RP1L1: variants seen among roughly 807,000 people sequenced by gnomAD.
RP1L1 encodes RP1 like 1, also known as retinitis pigmentosa 1-like 1 protein.
RP1L1 carries 27 observed loss-of-function variants against 15.7 expected under a neutral mutation model. The ratio of observed to expected loss-of-function variants is 1.72; its 90% CI spans 1.27 to 2.38. RP1L1 has a LOEUF of 2.38. RP1L1 is among the 30% of genes most tolerant of loss of function. The probability of loss-of-function intolerance (pLI) is 0.00; values close to 1 mark genes in which losing one functional copy is unlikely to be tolerated. For synonymous variants in RP1L1, 1,813 were observed against 1,276.7 expected, an observed-to-expected ratio of 1.42 and a Z score of -8.96; for missense variants, 4,798 against 3,075.9, an observed-to-expected ratio of 1.56 and a Z score of -13.24.
Position 10,612,271 on chromosome 8 carries a change from C to G in RP1L1, c.1827G>C (p.Glu609Asp). ...EQATGAAVTREPLVLGLSCSW... is the reference protein window; with the variant it reads ...EQATGAAVTRDPLVLGLSCSW... ...AGCAGGAAAGGCCCAGAACCAGAGG[C>G]TCCCTTGTCACAGCCGCTCCCGTGG... Residue 609 changes from glutamate (E) to aspartate (D), a missense_variant, in exon 4 of 4, where the codon GAG becomes GAC. Transcript: ENST00000382483. 2 of 1,613,242 alleles carry G rather than the reference C, an allele frequency of 1.2e-6. No individual in the cohort carries two copies. Among genetic ancestry groups the G allele is most frequent in the African/African-American group, 1.3e-5 (1 of 75,066 alleles).
chr8:10,624,337 C>T (rs1798123394), intron 1 of RP1L1, among the ~76,000 whole-genome samples: 1 of 152,216 alleles, frequency 6.6e-6, no homozygotes, highest in Non-Finnish European at 1.5e-5. Flanking sequence ...CACGCTCCTA[C>T]ACACAATAAC....
At chr8:10,640,730 A>G (rs1798394630) in intron 1 of RP1L1, among the ~76,000 whole-genome samples, 1 of 151,914 alleles carries the variant, frequency 6.6e-6, no homozygotes, top group Non-Finnish European at 1.5e-5. Flanking sequence ...AAGAGATTGT[A>G]TTGTAATATT....
intron 1 of RP1L1, among the ~76,000 whole-genome samples, chr8:10,653,016 G>C (rs1260370851): frequency 6.6e-6 from 1 of 152,190 alleles, no homozygotes; most frequent in Admixed American, 6.5e-5. Flanking sequence ...CTGAGGCAGG[G>C]TGAAAACTCT....
At chr8:10,648,531 G>C (rs1243432204) in intron 1 of RP1L1, among the ~76,000 whole-genome samples, 1 of 152,122 alleles carries the variant, frequency 6.6e-6, no homozygotes, top group Non-Finnish European at 1.5e-5. Flanking sequence ...GTTCCAGCAC[G>C]GATCTGTTAT....
chr8:10,648,252 G>A (rs966539164), intron 1 of RP1L1, among the ~76,000 whole-genome samples: 3 of 152,050 alleles, frequency 2.0e-5, no homozygotes, highest in African/African-American at 4.8e-5. Context: ...GGCTGGTCTC[G>A]AACTCCTGAC....
rs746471774 is a variant in RP1L1, at chr8:10,623,208, G to C, written c.-7C>G. On this transcript the variant is annotated 5_prime_UTR_variant, in exon 2 of 4. Coordinates refer to ENST00000382483, the MANE Select transcript of RP1L1 (RefSeq NM_178857.6). ...TCCTGGGGGTGCTGTTCATGGTGTGGGGGCTCTGGCCGCTGTAACAGGGCA... is the reference window on the plus strand; with the variant it reads ...TCCTGGGGGTGCTGTTCATGGTGTGCGGGCTCTGGCCGCTGTAACAGGGCA... 3.2e-6 allele frequency: 5 copies of C among 1,545,288 alleles called. No individual in the cohort carries two copies. Among genetic ancestry groups the C allele is most frequent in the Non-Finnish European group, 3.5e-6 (4 of 1,147,284 alleles).
Position 10,610,905 on chromosome 8 carries a change from G to T in RP1L1, c.3193C>A (p.Pro1065Thr). The change falls in exon 4 of 4, where the codon CCA becomes ACA. Residue 1065 changes from proline (P) to threonine (T), a missense_variant. Transcript: ENST00000382483. The part of the protein sequence containing the change: ...PAEAGADREA[P>T]AGCRVSLRAL... The stretch of plus-strand genomic sequence containing the variant: ...CGCAGGCTCACCCTGCAGCCTGCTG[G>T]GGCCTCTCTGTCTGCTCCGGCCTCT... The T allele has an allele frequency of 6.2e-7, 1 of 1,610,880 alleles. No homozygotes were observed. The highest frequency in any genetic ancestry group is 8.5e-7 in the Non-Finnish European group (1 of 1,179,126).
chr8:10,631,408 C>G (rs536413069), intron 1 of RP1L1, among the ~76,000 whole-genome samples: 46 of 138,118 alleles, frequency 3.3e-4, no homozygotes, highest in African/African-American at 1.2e-3. Flanking sequence ...CACACACACG[C>G]ACACACGCAC....
At chr8:10,633,735 A>C (rs1217325477) in intron 1 of RP1L1, among the ~76,000 whole-genome samples, 1 of 152,150 alleles carries the variant, frequency 6.6e-6, no homozygotes, top group Non-Finnish European at 1.5e-5. Context: ...CTCCAGACCT[A>C]AGTACAGACT....
At chr8:10,629,967 G>C (rs186865569) in intron 1 of RP1L1, among the ~76,000 whole-genome samples, 2 of 152,300 alleles carry the variant, frequency 1.3e-5, no homozygotes, top group Admixed American at 1.3e-4. Flanking sequence ...GTGGCTCAGG[G>C]AGTCAAAGGT....
chr8:10,636,284 G>C (rs1164321434), intron 1 of RP1L1, among the ~76,000 whole-genome samples: 1 of 152,208 alleles, frequency 6.6e-6, no homozygotes, highest in African/African-American at 2.4e-5. Context: ...CTCTTGCTTT[G>C]TCCAGCATGA....
At position 10,611,937 on chromosome 8, in the gene RP1L1, G is replaced by C. The variant is rs1393579840; in HGVS notation, c.2161C>G (p.Pro721Ala). 1.2e-6 allele frequency: 2 copies of C among 1,613,884 alleles called. No homozygotes were observed. The highest frequency in any genetic ancestry group is 1.1e-5 in the South Asian group (1 of 91,092). The change falls in exon 4 of 4, where the codon CCT (proline) becomes GCT (alanine). Residue 721 changes from proline to alanine, a missense_variant. Coordinates refer to ENST00000382483, the MANE Select transcript of RP1L1 (RefSeq NM_178857.6). ...TRTQASGNLRPPSSGSLPSQD... is the reference protein window; with the variant it reads ...TRTQASGNLRAPSSGSLPSQD... ...GAAGGAAGAGAGCCCGAGGAGGGAG[G>C]TCTCAGGTTCCCAGAGGCCTGTGTC...
In RP1L1 at chr8:10,609,518, T is replaced by G; in HGVS notation, c.4580A>C (p.Glu1527Ala). 6.2e-7 allele frequency: 1 copy of G among 1,608,864 alleles called. No individual in the cohort carries two copies. Among genetic ancestry groups the G allele is most frequent in the Non-Finnish European group, 8.5e-7 (1 of 1,178,460 alleles). ...GGCAAGGTGGGCCAGGAAGGCCTTC[T>G]CCGTCTTCTTCAGTAACACGGACAC... is the stretch of plus-strand genomic sequence containing the variant. ...IWVSVLLKKT[E>A]KAFLAHLASA... is the part of the protein sequence containing the mutation. Residue 1527 changes from glutamate to alanine, a missense_variant, in exon 4 of 4, where the codon GAG becomes GCG. Coordinates refer to ENST00000382483, the MANE Select transcript of RP1L1 (RefSeq NM_178857.6).
intron 1 of RP1L1, among the ~76,000 whole-genome samples, chr8:10,625,718 C>T (rs904030462): frequency 1.3e-5 from 2 of 152,156 alleles, no homozygotes; most frequent in African/African-American, 2.4e-5. Context: ...CAGGTGCCCC[C>T]GGCTGTGGAC....
At chr8:10,617,554 T>C (rs1335516216) in intron 2 of RP1L1, among the ~76,000 whole-genome samples, 17 of 115,778 alleles carry the variant, frequency 1.5e-4, no homozygotes, top group African/African-American at 3.1e-4. Context: ...TTCTTTTTTT[T>C]TTTTTTTTTT....
In RP1L1 at chr8:10,606,622, A is replaced by G; in HGVS notation, c.*273T>C. 2.0e-6 allele frequency: 1 copy of G among 500,250 alleles called. No individual in the cohort carries two copies. Among genetic ancestry groups the G allele is most frequent in the South Asian group, 2.4e-5 (1 of 42,138 alleles). 31.0% of individuals were successfully genotyped at this position (500,250 alleles called of 1,614,324 possible). On this transcript the variant is annotated 3_prime_UTR_variant, in exon 4 of 4. Transcript: ENST00000382483. ...ATCTTTCGGGCTCTGCAGACAAATA[A>G]ATAGGAGCCGGGCTGACCTCCGATA...
chr8:10,619,124 C>T (rs1798018460), intron 2 of RP1L1, among the ~76,000 whole-genome samples: 2 of 152,206 alleles, frequency 1.3e-5, no homozygotes, highest in African/African-American at 4.8e-5. Context: ...CCTGCCTCGG[C>T]CTCCCAAAGT....
Position 10,631,861 on chromosome 8 carries a change from C to T in RP1L1, c.-19-8641G>A, listed in dbSNP as rs1373678941. ...GACACTGCCAGGCAAGGTCTGGATT[C>T]AAAAACAGGAAGGGGGAAGCCAGCA... On this transcript the variant is annotated intron_variant, in intron 1 of 3. Coordinates refer to ENST00000382483, the MANE Select transcript of RP1L1 (RefSeq NM_178857.6). 2.6e-5 allele frequency among the ~76,000 whole-genome samples: 4 copies of T among 152,186 alleles called. No homozygotes were observed. In the East Asian group the frequency reaches 7.7e-4, roughly 29 times the overall value.
chr8:10,651,451 G>C (rs906426825), intron 1 of RP1L1, among the ~76,000 whole-genome samples: 3 of 152,154 alleles, frequency 2.0e-5, no homozygotes, highest in African/African-American at 7.2e-5. Flanking sequence ...TGCTCGGGCC[G>C]GGCGCAGTGG....
Sources: allele counts gnomAD v4.1 joint callset (sites outside exome capture counted in the v4.1 genomes callset), GRCh38; gene constraint gnomAD v4.1.1; transcripts MANE v1.5; gene names NCBI Gene and HGNC (gene_info 2026-07-23, HGNC 2026-07-21).